The following HAUS1 variants were observed in gnomAD, a reference collection of about 807,000 sequenced individuals.
HAUS1 encodes HAUS augmin like complex subunit 1.
HAUS1 carries 25 observed loss-of-function variants against 38.6 expected under a neutral mutation model. That is an observed-to-expected ratio of 0.65 (90% CI 0.47 to 0.91). HAUS1 has a LOEUF of 0.91. Among genes scored for constraint, HAUS1 ranks in the 40% least tolerant of loss-of-function variants. The pLI, the probability that HAUS1 is intolerant of heterozygous loss-of-function variation, is 0.00. For missense variants in HAUS1, 325 were observed against 328.4 expected (o/e 0.99, Z 0.08); for synonymous variants, 109 against 112.9 (o/e 0.97, Z 0.22).
At chr18:46,114,163 C>CTA (rs1234617804) in intron 2 of HAUS1, among the ~76,000 whole-genome samples, 2 of 152,238 alleles carry the variant, frequency 1.3e-5, no homozygotes, top group Non-Finnish European at 2.9e-5. Context: ...GATGTCTTAA[C>CTA]TACAAACTAA....
chr18:46,104,710 CT>C (rs1241541781), intron 1 of HAUS1, among the ~76,000 whole-genome samples: 1 of 152,092 alleles, frequency 6.6e-6, no homozygotes, highest in African/African-American at 2.4e-5. Context: ...TGGAGTGGGA[CT>C]TATGAAGCCA....
intron 5 of HAUS1, 33 bp downstream of exon 5, chr18:46,122,623 CTTCGGCCTGA>C: frequency 6.2e-7 from 1 of 1,610,864 alleles, no homozygotes; most frequent in Non-Finnish European, 8.5e-7. Flanking sequence ...AGTTAGCTCT[CTTCGGCCTGA>C]TTTTTTACCA....
intron 2 of HAUS1, among the ~76,000 whole-genome samples, chr18:46,114,674 C>T (rs980869168): frequency 6.6e-6 from 1 of 152,130 alleles, no homozygotes; most frequent in Non-Finnish European, 1.5e-5. Flanking sequence ...GGATGAAAAA[C>T]ACTAAAGTCT....
At chr18:46,108,884 A>G (rs954506248) in intron 2 of HAUS1, among the ~76,000 whole-genome samples, 7 of 152,062 alleles carry the variant, frequency 4.6e-5, no homozygotes, top group African/African-American at 1.7e-4. Flanking sequence ...ATCCTGGCTA[A>G]CACGGTGAAA....
intron 3 of HAUS1, among the ~76,000 whole-genome samples, chr18:46,118,626 A>G (rs539543565): frequency 1.3e-5 from 2 of 152,346 alleles, no homozygotes; most frequent in African/African-American, 4.8e-5. Flanking sequence ...TTGGTTGAGC[A>G]TAATAAATTT....
intron 5 of HAUS1, 132 bp downstream of exon 5, chr18:46,122,722 T>G: frequency 2.1e-6 from 2 of 935,550 alleles, no homozygotes; most frequent in Non-Finnish European, 1.6e-6. Context: ...TGCCCAAGAT[T>G]ACATAGCTAT....
chr18:46,120,009 A>C lies in HAUS1; in HGVS notation c.425A>C (p.Lys142Thr), dbSNP rs1266300082. Reference sequence around the variant, plus strand: ...GAAGAAATCAAGATTGAACTGGAAAAACTTGAAAAAAATTTAACTGCAACT... The same window carrying C: ...GAAGAAATCAAGATTGAACTGGAAACACTTGAAAAAAATTTAACTGCAACT... ...KSEEIKIELE[K>T]LEKNLTATLV... Residue 142 changes from lysine (K) to threonine (T), a missense_variant, in exon 4 of 9, where the codon AAA becomes ACA. Coordinates refer to ENST00000282058, the MANE Select transcript of HAUS1 (RefSeq NM_138443.4). The C allele has an allele frequency of 5.6e-6, 9 of 1,609,582 alleles. No individual in the cohort carries two copies. The highest frequency in any genetic ancestry group is 3.4e-6 in the Non-Finnish European group (4 of 1,177,596).
intron 6 of HAUS1, 91 bp downstream of exon 6, chr18:46,123,455 A>G: frequency 1.2e-6 from 1 of 844,402 alleles, no homozygotes; most frequent in Non-Finnish European, 2.0e-6. Flanking sequence ...GCTTTTATTC[A>G]CTGTGGACCT....
intron 8 of HAUS1, chr18:46,126,688 T>C (rs1230638505): frequency 6.6e-6 from 1 of 151,976 alleles, no homozygotes; most frequent in Non-Finnish European, 1.5e-5. Flanking sequence ...GCAGTGGCGT[T>C]ATCTTAGCTC....
chr18:46,122,552 A>T lies in HAUS1; in HGVS notation c.562A>T (p.Lys188Ter), dbSNP rs937751306. ...TCAGAACATGGACTTTCTAAAAGCA[A>T]AGTCAGAGGAATTCAGATTTGGAAT... ...RRQNMDFLKA[K>*]SEEFRFGIKA... Residue 188 changes from lysine to a stop codon, truncating the protein, a stop_gained, in exon 5 of 9, where the codon AAG (lysine) becomes TAG (stop). Coordinates refer to ENST00000282058, the MANE Select transcript of HAUS1 (RefSeq NM_138443.4). LOFTEE classifies it high-confidence loss of function. The T allele has an allele frequency of 1.2e-6, 2 of 1,614,070 alleles. No homozygotes were observed. Among genetic ancestry groups the T allele is most frequent in the African/African-American group, 2.7e-5 (2 of 74,958 alleles).
At chr18:46,120,304 A>T (rs184976036) in intron 4 of HAUS1, among the ~76,000 whole-genome samples, 265 of 150,784 alleles carry the variant, frequency 1.8e-3, no homozygotes, top group Middle Eastern at 0.01. Flanking sequence ...GCACGATCTC[A>T]GCTCACTGCA....
rs1911487560 is a variant in HAUS1 at position 46,106,547 on chromosome 18, T to C, written c.205+1179T>C. Among the ~76,000 whole-genome samples the C allele has an allele frequency of 2.0e-5, 3 of 151,752 alleles. No individual in the cohort carries two copies. The South Asian group carries it at 6.2e-4, about 32-fold the overall frequency. On this transcript the variant is annotated intron_variant, in intron 2 of 8. Coordinates refer to ENST00000282058, the MANE Select transcript of HAUS1 (RefSeq NM_138443.4). The stretch of plus-strand genomic sequence containing the variant: ...ATAATACAAACCACAAAAGTAAAGA[T>C]TGACAAAAATCTTTTTAGATACGAG...
chr18:46,123,062 T>A, intron 5 of HAUS1: 2 of 414,330 alleles, frequency 4.8e-6, no homozygotes, highest in Non-Finnish European at 8.8e-6. Context: ...ATATAAAAAA[T>A]TAGCCGGGCG....
chr18:46,122,679 A>G (rs1911977984), intron 5 of HAUS1, 89 bp downstream of exon 5: 5 of 1,440,894 alleles, frequency 3.5e-6, no homozygotes, highest in East Asian at 2.3e-5. Flanking sequence ...TTCCCTTTTT[A>G]CAGATGAGAG....
intron 7 of HAUS1, 58 bp downstream of exon 7, chr18:46,124,951 T>C: frequency 2.1e-6 from 2 of 955,604 alleles, no homozygotes; most frequent in East Asian, 4.9e-5. Flanking sequence ...CTGAGGGTAC[T>C]ATATGACCAT....
intron 4 of HAUS1, 141 bp from the exon 5 acceptor site, chr18:46,122,326 G>T: frequency 1.4e-6 from 1 of 709,394 alleles, no homozygotes; most frequent in Non-Finnish European, 2.3e-6. Flanking sequence ...AAAACCCAGA[G>T]TGCAACATGG....
intron 2 of HAUS1, among the ~76,000 whole-genome samples, chr18:46,114,576 C>A (rs1434814312): frequency 6.6e-6 from 1 of 152,208 alleles, no homozygotes; most frequent in African/African-American, 2.4e-5. Context: ...ACTCAAGGAG[C>A]TTCCATTCCA....
chr18:46,116,106 A>C (rs931805157), intron 2 of HAUS1, among the ~76,000 whole-genome samples: 2 of 151,994 alleles, frequency 1.3e-5, no homozygotes, highest in African/African-American at 4.8e-5. Context: ...ACTGTCTCAG[A>C]AAAAGGGAAG....
At chr18:46,104,665 G>A (rs1911404866) in intron 1 of HAUS1, among the ~76,000 whole-genome samples, 1 of 152,120 alleles carries the variant, frequency 6.6e-6, no homozygotes, top group African/African-American at 2.4e-5. Flanking sequence ...GATCTGGCCC[G>A]GGAGAGGCGT....
Sources: allele counts gnomAD v4.1 joint callset (sites outside exome capture counted in the v4.1 genomes callset), GRCh38; gene constraint gnomAD v4.1.1; transcripts MANE v1.5; gene names NCBI Gene and HGNC (gene_info 2026-07-23, HGNC 2026-07-21).